ITPRID1: variants seen among roughly 807,000 people sequenced by gnomAD.
ITPRID1 encodes ITPR interacting domain containing 1.
ITPRID1 carries 96 observed loss-of-function variants against 95.4 expected under a neutral mutation model. The observed-to-expected ratio is 1.01, with a 90% confidence interval of 0.85 to 1.19. The LOEUF (loss-of-function observed/expected upper bound fraction) is 1.19, where lower values mean the gene tolerates loss of function less well. ITPRID1 is among the 50% of genes most tolerant of loss of function. The probability of loss-of-function intolerance (pLI) is 0.00; values close to 1 mark genes in which losing one functional copy is unlikely to be tolerated. For missense variants in ITPRID1, 1,339 were observed against 1,252.9 expected (o/e 1.07, Z -1.04); for synonymous variants, 510 against 453.6 (o/e 1.12, Z -1.58).
chr7:31,598,465 G>A (rs1354096774), intron 10 of ITPRID1, among the ~76,000 whole-genome samples: 15 of 142,678 alleles, frequency 1.1e-4, no homozygotes, highest in Non-Finnish European at 2.1e-4. Flanking sequence ...GTGCAGTGGC[G>A]CTATCTCGGC....
intron 10 of ITPRID1, among the ~76,000 whole-genome samples, chr7:31,603,910 C>G (rs552543932): frequency 3.3e-5 from 5 of 152,320 alleles, no homozygotes; most frequent in African/African-American, 1.2e-4. Context: ...CCTCTTCTGT[C>G]ATCTCCTCCA....
chr7:31,599,759 T>G (rs1422773386), intron 10 of ITPRID1, among the ~76,000 whole-genome samples: 1 of 151,396 alleles, frequency 6.6e-6, no homozygotes, highest in Non-Finnish European at 1.5e-5. Flanking sequence ...TGGAGTGCAG[T>G]GGCGCGATCT....
In ITPRID1 at chr7:31,551,428, C is replaced by T. The variant is rs775962632; in HGVS notation, c.-23-1574C>T. 2.2e-4 allele frequency among the ~76,000 whole-genome samples: 31 copies of T among 144,026 alleles called. 6 individuals are homozygous for T. The highest frequency in any genetic ancestry group is 3.1e-4 in the Non-Finnish European group (20 of 63,802). The allele number at this position is 144,026 out of a possible 152,430, so 94.5% of individuals were successfully genotyped here. A position where few individuals can be genotyped will look rare whatever the true frequency, so the allele number is the denominator to read the frequency against. On this transcript the variant is annotated intron_variant, in intron 2 of 14. Transcript: ENST00000615280. Reference sequence around the variant, plus strand: ...TGCATTATTCTGTCTTGTGTTATTACTGAAATTTTTATAATTTGCTACCAG... The same window carrying T: ...TGCATTATTCTGTCTTGTGTTATTATTGAAATTTTTATAATTTGCTACCAG...
chr7:31,541,948 T>TGGC (rs1783946788), intron 1 of ITPRID1, among the ~76,000 whole-genome samples: 1 of 152,162 alleles, frequency 6.6e-6, no homozygotes, highest in South Asian at 2.1e-4. Context: ...GCCAAAATGT[T>TGGC]TACACACAGA....
At chr7:31,529,710 T>G in intron 1 of ITPRID1, 2 of 1,430,030 alleles carry the variant, frequency 1.4e-6, no homozygotes, top group Non-Finnish European at 1.9e-6. Context: ...GTAGTCAGTC[T>G]TAGCTGCTGG....
At chr7:31,631,743 A>G (rs1167911288) in intron 10 of ITPRID1, among the ~76,000 whole-genome samples, 4 of 152,228 alleles carry the variant, frequency 2.6e-5, no homozygotes, top group Non-Finnish European at 5.9e-5. Context: ...AAACCTCAGG[A>G]GAGTGCTAAT....
intron 10 of ITPRID1, among the ~76,000 whole-genome samples, chr7:31,636,054 G>C (rs1162907610): frequency 6.6e-6 from 1 of 152,174 alleles, no homozygotes; most frequent in Admixed American, 6.5e-5. Context: ...GCAGGAGAGA[G>C]AATGAGAGCT....
intron 1 of ITPRID1, among the ~76,000 whole-genome samples, chr7:31,524,513 G>A (rs954942128): frequency 2.0e-5 from 3 of 152,122 alleles, no homozygotes; most frequent in Non-Finnish European, 2.9e-5. Context: ...CCTCCATTTT[G>A]TTACTTTTCT....
intron 10 of ITPRID1, among the ~76,000 whole-genome samples, chr7:31,633,393 C>A (rs1174911902): frequency 1.3e-5 from 2 of 152,146 alleles, no homozygotes; most frequent in African/African-American, 2.4e-5. Context: ...TTGCTTGTCA[C>A]CAAAAGTGAG....
chr7:31,576,803 G>A (rs1219972423), intron 8 of ITPRID1, among the ~76,000 whole-genome samples: 2 of 152,186 alleles, frequency 1.3e-5, no homozygotes, highest in East Asian at 3.8e-4. Context: ...GACCTTCGCT[G>A]AGTTATGCAA....
intron 5 of ITPRID1, among the ~76,000 whole-genome samples, chr7:31,557,725 C>T (rs979597473): frequency 9.2e-5 from 14 of 152,186 alleles, no homozygotes; most frequent in East Asian, 3.9e-4. Context: ...GTAAATATTA[C>T]GTGGAGGAAA....
intron 1 of ITPRID1, among the ~76,000 whole-genome samples, chr7:31,531,762 G>T (rs368077059): frequency 3.3e-5 from 5 of 152,090 alleles, no homozygotes; most frequent in African/African-American, 1.2e-4. Flanking sequence ...TTTCCCACAG[G>T]GGTTGTGGAT....
At chr7:31,529,795 C>T (rs1271358961) in intron 1 of ITPRID1, 1 of 1,535,372 alleles carries the variant, frequency 6.5e-7, no homozygotes, top group Non-Finnish European at 8.7e-7. Flanking sequence ...GTTGCAAGAC[C>T]ATTTCTCTGC....
chr7:31,581,153 A>G (rs1294169302), intron 9 of ITPRID1, among the ~76,000 whole-genome samples: 5 of 152,196 alleles, frequency 3.3e-5, no homozygotes, highest in African/African-American at 1.2e-4. Flanking sequence ...TGGCATTTAA[A>G]ACAAGAGCCA....
chr7:31,541,944 A>C (rs10269876), intron 1 of ITPRID1, among the ~76,000 whole-genome samples: 88,359 of 151,898 alleles, frequency 0.58, 26,783 homozygotes, highest in Middle Eastern at 0.71. Flanking sequence ...TTTAGCCAAA[A>C]TGTTTACACA....
intron 10 of ITPRID1, among the ~76,000 whole-genome samples, chr7:31,608,576 C>T (rs559994111): frequency 1.3e-5 from 2 of 151,492 alleles, no homozygotes; most frequent in African/African-American, 4.8e-5. Context: ...TCTTGTAGTT[C>T]TTTGGTTCAG....
chr7:31,607,459 T>G (rs575253542), intron 10 of ITPRID1, among the ~76,000 whole-genome samples: 18 of 152,126 alleles, frequency 1.2e-4, no homozygotes, highest in Non-Finnish European at 2.9e-5. Flanking sequence ...ATCAATTTCT[T>G]GGTCCGAAAT....
rs532226333 is a variant in ITPRID1 at position 31,608,771 on chromosome 7, A to G, written c.1228+25580A>G. On this transcript the variant is annotated intron_variant, in intron 10 of 14. Coordinates refer to ENST00000615280, the MANE Select transcript of ITPRID1 (RefSeq NM_001257967.3). The stretch of plus-strand genomic sequence containing the variant: ...ATAATTCTATAGCGGATTTTTATAT[A>G]CAAGACCATATTATCTGCAAGTAGA... 1.1e-3 allele frequency among the ~76,000 whole-genome samples: 165 copies of G among 151,826 alleles called. 1 individual carries two copies. Among genetic ancestry groups the G allele is most frequent in the African/African-American group, 3.8e-3 (158 of 41,522 alleles).
chr7:31,595,096 G>C (rs967370623), intron 10 of ITPRID1, among the ~76,000 whole-genome samples: 2 of 132,590 alleles, frequency 1.5e-5, no homozygotes, highest in African/African-American at 5.8e-5. Context: ...TTTTGAGACA[G>C]AGTCTTGCTC....
Sources: gnomAD v4.1 joint callset for allele counts (sites outside exome capture counted in the v4.1 genomes callset) on GRCh38, gnomAD v4.1.1 for gene constraint, MANE v1.5 for transcripts, NCBI Gene and HGNC (gene_info 2026-07-23, HGNC 2026-07-21) for gene names.